KLHL18: variants seen among roughly 807,000 people sequenced by gnomAD.
KLHL18 encodes the protein kelch like family member 18, also known as kelch-like protein 18.
Under a neutral mutation model 58.5 loss-of-function variants are expected in KLHL18, and 38 were observed. The ratio of observed to expected loss-of-function variants is 0.65; its 90% CI spans 0.50 to 0.85. The LOEUF (loss-of-function observed/expected upper bound fraction) is 0.85. Ranked by LOEUF, KLHL18 falls within the 40% of genes least tolerant of loss-of-function variation. The probability of loss-of-function intolerance (pLI) is 0.00; values close to 1 mark genes in which losing one functional copy is unlikely to be tolerated. For synonymous variants in KLHL18, 303 were observed against 301.9 expected, an observed-to-expected ratio of 1.00 and a Z score of -0.04; for missense variants, 624 against 778.4, an observed-to-expected ratio of 0.80 and a Z score of 2.36.
intron 1 of KLHL18, among the ~76,000 whole-genome samples, chr3:47,288,701 AT>A (rs1272506331): frequency 3.9e-5 from 6 of 152,112 alleles, no homozygotes; most frequent in Middle Eastern, 3.2e-3. Flanking sequence ...TAACATATTC[AT>A]TTAAAAAAAA....
chr3:47,334,816 G>A lies in KLHL18; in HGVS notation c.895G>A (p.Ala299Thr), dbSNP rs536998712. Residue 299 changes from alanine (A) to threonine (T), a missense_variant, in exon 6 of 10, where the codon GCA becomes ACA. By Grantham distance (58) the Ala-to-Thr change is moderately conservative. Transcript: ENST00000232766. The surrounding 1 kb of genome is among the most constrained non-coding windows in gnomAD (Gnocchi z 4.7). ...CTACGCTGTAGGGGGCCTCAACTCA[G>A]CAGGTACCTTGCGGCTCCCCTTTAT... is the stretch of plus-strand genomic sequence containing the variant. Reference protein sequence around the residue: ...LIYAVGGLNSAGDSLNVVEVF... With the variant: ...LIYAVGGLNSTGDSLNVVEVF... The A allele has an allele frequency of 1.7e-5, 27 of 1,612,042 alleles. No individual in the cohort carries two copies. The highest frequency in any genetic ancestry group is 2.2e-5 in the Non-Finnish European group (26 of 1,179,040).
At chr3:47,303,070 C>A (rs1044635511) in intron 1 of KLHL18, among the ~76,000 whole-genome samples, 4 of 152,212 alleles carry the variant, frequency 2.6e-5, no homozygotes, top group Admixed American at 6.5e-5. Context: ...TATTCATGAT[C>A]TCTTCCATGA....
chr3:47,322,795 T>C (rs763460272), intron 3 of KLHL18, 87 bp downstream of exon 3: 133 of 1,326,310 alleles, frequency 1.0e-4, no homozygotes, highest in Non-Finnish European at 1.3e-4. Flanking sequence ...TGGGACCATA[T>C]ATAGGTTTAT....
chr3:47,288,407 C>G (rs1702722807), intron 1 of KLHL18, among the ~76,000 whole-genome samples: 1 of 152,094 alleles, frequency 6.6e-6, no homozygotes, highest in African/African-American at 2.4e-5. Flanking sequence ...CTCATGCTCT[C>G]CTGTTGCATC....
At chr3:47,298,192 C>T (rs1211278690) in intron 1 of KLHL18, among the ~76,000 whole-genome samples, 1 of 151,856 alleles carries the variant, frequency 6.6e-6, no homozygotes, top group African/African-American at 2.4e-5. Context: ...CCAGCCTGGA[C>T]AACAAAGTGA....
intron 1 of KLHL18, among the ~76,000 whole-genome samples, chr3:47,290,945 G>A (rs559009812): frequency 1.3e-5 from 2 of 152,350 alleles, no homozygotes; most frequent in African/African-American, 4.8e-5. Flanking sequence ...GCTTGATGCT[G>A]CCTGACATGT....
chr3:47,342,734 C>T lies in KLHL18; in HGVS notation c.1242C>T (p.Thr414=). 2 of 1,614,078 alleles carry T rather than the reference C, an allele frequency of 1.2e-6. No individual in the cohort carries two copies. Among genetic ancestry groups the T allele is most frequent in the Non-Finnish European group, 1.7e-6 (2 of 1,179,972 alleles). ...TTTCCTGAAGATGGACAGTGGTGACCTCGATGAGCTCGAATCGCAGTGCTG... is the reference window on the plus strand; with the variant it reads ...TTTCCTGAAGATGGACAGTGGTGACTTCGATGAGCTCGAATCGCAGTGCTG... The part of the protein sequence containing the change: ...SPETDKWTVV[T]SMSSNRSAAG... The change falls in exon 9 of 10, where the codon ACC becomes ACT. Residue 414 remains threonine, a synonymous_variant. Coordinates refer to ENST00000232766, the MANE Select transcript of KLHL18 (RefSeq NM_025010.5).
chr3:47,336,148 G>A (rs1424303002), intron 6 of KLHL18, among the ~76,000 whole-genome samples: 1 of 152,084 alleles, frequency 6.6e-6, no homozygotes, highest in Non-Finnish European at 1.5e-5. Context: ...CAGAGGGTGG[G>A]GACACAAAGC....
chr3:47,337,018 A>G, intron 7 of KLHL18: 1 of 457,384 alleles, frequency 2.2e-6, no homozygotes, highest in South Asian at 2.5e-5. Flanking sequence ...AGTGCCAGAT[A>G]AGGACTGGAA....
At chr3:47,313,764 A>T (rs1447655582) in intron 1 of KLHL18, among the ~76,000 whole-genome samples, 1 of 152,178 alleles carries the variant, frequency 6.6e-6, no homozygotes, top group Non-Finnish European at 1.5e-5. Context: ...GAGAGAAGGT[A>T]TGCTATTTAT....
At chr3:47,332,051 G>T (rs1388078871) in intron 4 of KLHL18, among the ~76,000 whole-genome samples, 1 of 152,048 alleles carries the variant, frequency 6.6e-6, no homozygotes, top group East Asian at 1.9e-4. Flanking sequence ...AGGGACGAAG[G>T]TTAGAAACTT....
At chr3:47,331,800 C>G (rs1559502016) in intron 4 of KLHL18, among the ~76,000 whole-genome samples, 1 of 150,538 alleles carries the variant, frequency 6.6e-6, no homozygotes, top group Non-Finnish European at 1.5e-5. Context: ...GGGAGTTTTC[C>G]AGAAGAGAGG....
At chr3:47,293,362 C>T (rs1702829565) in intron 1 of KLHL18, among the ~76,000 whole-genome samples, 1 of 152,190 alleles carries the variant, frequency 6.6e-6, no homozygotes, top group Admixed American at 6.5e-5. Flanking sequence ...GCTTATAGTG[C>T]TTTGTGACTG....
chr3:47,284,849 C>T lies in KLHL18; in HGVS notation c.129+1755C>T, dbSNP rs1235062797. The stretch of plus-strand genomic sequence containing the variant: ...TTTTTATTTTTTTGAGACAGAGTCT[C>T]GCTGTGTGGCACAGGCTGGAGTGCA... On this transcript the variant is annotated intron_variant, in intron 1 of 9. Coordinates refer to ENST00000232766, the MANE Select transcript of KLHL18 (RefSeq NM_025010.5). Among the ~76,000 whole-genome samples the T allele has an allele frequency of 2.6e-5, 4 of 152,046 alleles. No homozygotes were observed. In the East Asian group the frequency reaches 5.8e-4, roughly 22 times the overall value.
rs1016585142 is a variant in KLHL18 at position 47,293,050 on chromosome 3, A to G, written c.129+9956A>G. Among the ~76,000 whole-genome samples, 5 of 152,320 alleles carry G rather than the reference A, an allele frequency of 3.3e-5. No homozygotes were observed. The South Asian group carries it at 1.0e-3, about 32-fold the overall frequency. ...GTTACAAAAGGACAAATGTTGTGTG[A>G]TTCCACTTATATGAACTACCTAGAA... On this transcript the variant is annotated intron_variant, in intron 1 of 9. Coordinates refer to ENST00000232766, the MANE Select transcript of KLHL18 (RefSeq NM_025010.5).
intron 1 of KLHL18, among the ~76,000 whole-genome samples, chr3:47,309,673 A>G (rs1576153878): frequency 1.3e-5 from 2 of 152,214 alleles, no homozygotes; most frequent in East Asian, 3.9e-4. Flanking sequence ...GGTTGTAGCT[A>G]GCCGAGATCA....
intron 1 of KLHL18, among the ~76,000 whole-genome samples, chr3:47,317,742 T>C (rs1703489326): frequency 6.6e-6 from 1 of 152,190 alleles, no homozygotes; most frequent in Admixed American, 6.5e-5. Flanking sequence ...TTTGACCTAA[T>C]TATATTGGAA....
chr3:47,306,043 G>C (rs1277552831), intron 1 of KLHL18, among the ~76,000 whole-genome samples: 1 of 151,800 alleles, frequency 6.6e-6, no homozygotes, highest in African/African-American at 2.4e-5. Context: ...CTGTTTTCCT[G>C]TTTTTAATTT....
chr3:47,318,999 A>G (rs559477036), intron 1 of KLHL18, among the ~76,000 whole-genome samples: 1 of 152,254 alleles, frequency 6.6e-6, no homozygotes, highest in African/African-American at 2.4e-5. Context: ...GCTTGGAGCT[A>G]TAAATGGCTT....
Sources: gnomAD v4.1 joint callset for allele counts (sites outside exome capture counted in the v4.1 genomes callset) on GRCh38, gnomAD v4.1.1 for gene constraint, Gnocchi (gnomAD v3.1) non-coding constraint, MANE v1.5 for transcripts, NCBI Gene and HGNC (gene_info 2026-07-23, HGNC 2026-07-21) for gene names.